Variants in ARHGAP8 observed in about 807,000 individuals in gnomAD.
ARHGAP8 encodes the protein Rho GTPase activating protein 8, also known as rho GTPase-activating protein 8.
Under a neutral mutation model 46.1 loss-of-function variants are expected in ARHGAP8, and 62 were observed. The ratio of observed to expected loss-of-function variants is 1.34; its 90% CI spans 1.10 to 1.66. ARHGAP8 has a LOEUF of 1.66. Among genes scored for constraint, ARHGAP8 ranks in the 40% most tolerant of loss-of-function variants. ARHGAP8 has a pLI of 0.00. For missense variants in ARHGAP8, 923 were observed against 568.4 expected, an observed-to-expected ratio of 1.62 and a Z score of -6.34; for synonymous variants, 375 against 243.1, an observed-to-expected ratio of 1.54 and a Z score of -5.05.
intron 7 of ARHGAP8, among the ~76,000 whole-genome samples, chr22:44,835,912 A>G (rs1931253242): frequency 1.3e-5 from 2 of 148,460 alleles, no homozygotes; most frequent in South Asian, 4.3e-4. Context: ...CTCCTGTACC[A>G]TGTGGCTGTC....
intron 7 of ARHGAP8, among the ~76,000 whole-genome samples, chr22:44,844,787 T>C (rs1306153963): frequency 6.6e-6 from 1 of 152,186 alleles, no homozygotes; most frequent in African/African-American, 2.4e-5. Flanking sequence ...TGAATCTCTG[T>C]CTCAAAATAG....
In ARHGAP8 at chr22:44,808,424, G is replaced by A. The variant is rs1161101688; in HGVS notation, c.285G>A (p.Lys95=). Reference sequence around the variant, plus strand: ...TGGGCTGGCTCCAGAGCGCATACAAGGAGTTCGATAGGAAGTACGTGCCCG... The same window carrying A: ...TGGGCTGGCTCCAGAGCGCATACAAAGAGTTCGATAGGAAGTACGTGCCCG... ...PSLGWLQSAY[K]EFDRKYKKNL... Residue 95 remains lysine, a synonymous_variant, in exon 4 of 12, where the codon AAG becomes AAA. Coordinates refer to ENST00000356099, the MANE Select transcript of ARHGAP8 (RefSeq NM_181335.3). 6.2e-6 allele frequency: 10 copies of A among 1,614,170 alleles called. No homozygotes were observed. The highest frequency in any genetic ancestry group is 4.0e-5 in the African/African-American group (3 of 75,062).
rs775147571 is a variant in ARHGAP8 at position 44,845,358 on chromosome 22, C to T, written c.670+16C>T. 6 of 1,613,864 alleles carry T rather than the reference C, an allele frequency of 3.7e-6. No homozygotes were observed. In the East Asian group the frequency reaches 8.9e-5, roughly 24 times the overall value. On this transcript the variant is annotated intron_variant, in intron 8 of 11. Transcript: ENST00000356099. ...AGAGAGAAAGGTGAGACGGGGCCGG[C>T]TCCAGCTGGATGACGTGAGGGCTGC...
At position 44,802,130 on chromosome 22, in the gene ARHGAP8, C is replaced by G. The variant is rs1296171325; in HGVS notation, c.133C>G (p.Pro45Ala). Residue 45 changes from proline (P) to alanine (A), a missense_variant, in exon 3 of 12, where the codon CCC becomes GCC. Coordinates refer to ENST00000356099, the MANE Select transcript of ARHGAP8 (RefSeq NM_181335.3). ...VVTFSCCRMP[P>A]SHELDHQRLL... ...CACGTTCAGCTGCTGCCGGATGCCA[C>G]CCTCCCACGAGCTGGACCACCAGCG... The G allele has an allele frequency of 2.7e-5, 43 of 1,613,808 alleles. No individual in the cohort carries two copies. Among genetic ancestry groups the G allele is most frequent in the Non-Finnish European group, 3.6e-5 (43 of 1,179,804 alleles).
At chr22:44,804,502 G>T (rs1164765584) in intron 3 of ARHGAP8, among the ~76,000 whole-genome samples, 1 of 152,200 alleles carries the variant, frequency 6.6e-6, no homozygotes, top group African/African-American at 2.4e-5. Flanking sequence ...CTGAGGCCAA[G>T]CCCTGGCCGA....
At chr22:44,798,392 C>T (rs557872648) in intron 2 of ARHGAP8, among the ~76,000 whole-genome samples, 4 of 152,132 alleles carry the variant, frequency 2.6e-5, no homozygotes, top group South Asian at 4.1e-4. Flanking sequence ...GGATTACAGG[C>T]GTGAGCCACT....
chr22:44,814,072 T>G (rs1032361288), intron 4 of ARHGAP8, among the ~76,000 whole-genome samples: 1 of 152,148 alleles, frequency 6.6e-6, no homozygotes, highest in Non-Finnish European at 1.5e-5. Flanking sequence ...ATCCCCACCC[T>G]GGTTGGCTGC....
chr22:44,833,377 G>A (rs116067085), intron 7 of ARHGAP8, among the ~76,000 whole-genome samples: 1 of 151,888 alleles, frequency 6.6e-6, no homozygotes, highest in African/African-American at 2.4e-5. Context: ...GTTTGTTCAT[G>A]TAAAGGTGTT....
chr22:44,776,378 G>C (rs1926419349), intron 1 of ARHGAP8, among the ~76,000 whole-genome samples: 1 of 152,024 alleles, frequency 6.6e-6, no homozygotes, highest in Admixed American at 6.5e-5. Flanking sequence ...CTTGAACCTG[G>C]GAGGCGGACA....
At chr22:44,845,377 G>C in intron 8 of ARHGAP8, 35 bp downstream of exon 8, 1 of 1,613,452 alleles carries the variant, frequency 6.2e-7, no homozygotes, top group Non-Finnish European at 8.5e-7. Context: ...GATGACGTGA[G>C]GGCTGCTGGG....
intron 3 of ARHGAP8, among the ~76,000 whole-genome samples, chr22:44,807,054 G>C (rs1444175260): frequency 6.6e-6 from 1 of 152,200 alleles, no homozygotes. Context: ...AGCCTCTGCA[G>C]GTGGGCACAG....
chr22:44,796,072 C>T (rs1218313826), intron 2 of ARHGAP8, among the ~76,000 whole-genome samples: 1 of 152,170 alleles, frequency 6.6e-6, no homozygotes, highest in Non-Finnish European at 1.5e-5. Flanking sequence ...CAGTCCTTGC[C>T]CTGGCGACCT....
At position 44,849,137 on chromosome 22, in the gene ARHGAP8, G is replaced by T. The variant is rs1003162605; in HGVS notation, c.877+77G>T. 4 of 1,595,816 alleles carry T rather than the reference G, an allele frequency of 2.5e-6. No homozygotes were observed. The African/African-American group carries it at 5.4e-5, about 21-fold the overall frequency. On this transcript the variant is annotated intron_variant, in intron 10 of 11. Transcript: ENST00000356099. The stretch of plus-strand genomic sequence containing the variant: ...CCCCCAGCTACTGGCCCAGGGTCAG[G>T]CTCTGGGGTGGCCGAGGTGACGTGT...
At chr22:44,819,159 C>T (rs1362587427) in intron 5 of ARHGAP8, among the ~76,000 whole-genome samples, 1 of 152,180 alleles carries the variant, frequency 6.6e-6, no homozygotes, top group African/African-American at 2.4e-5. Context: ...GCCTCGAACT[C>T]CTGGACTCAG....
rs891547349 is a variant in ARHGAP8, at chr22:44,845,847, G to A, written c.670+505G>A. On this transcript the variant is annotated intron_variant, in intron 8 of 11. Coordinates refer to ENST00000356099, the MANE Select transcript of ARHGAP8 (RefSeq NM_181335.3). Reference sequence around the variant, plus strand: ...GAACTGAGGTCCATGGAGAAGGTGCGTGGAGGCTGCTTTTACCTTAATGGG... The same window carrying A: ...GAACTGAGGTCCATGGAGAAGGTGCATGGAGGCTGCTTTTACCTTAATGGG... Among the ~76,000 whole-genome samples the A allele has an allele frequency of 7.2e-5, 11 of 152,302 alleles. No homozygotes were observed. The East Asian group carries it at 1.4e-3, about 19-fold the overall frequency.
intron 10 of ARHGAP8, among the ~76,000 whole-genome samples, chr22:44,854,239 T>C (rs1360552480): frequency 6.9e-6 from 1 of 144,972 alleles, no homozygotes; most frequent in Non-Finnish European, 1.5e-5. Flanking sequence ...CCTTGTATCT[T>C]TTTTTTTTTT....
At chr22:44,774,518 AT>A (rs132473) in intron 1 of ARHGAP8, among the ~76,000 whole-genome samples, 391 of 119,488 alleles carry the variant, frequency 3.3e-3, no homozygotes, top group Middle Eastern at 0.011. Flanking sequence ...TCTTTGGGAG[AT>A]TTTTTTTTTT....
chr22:44,798,836 G>A (rs1928283356), intron 2 of ARHGAP8, among the ~76,000 whole-genome samples: 2 of 152,058 alleles, frequency 1.3e-5, no homozygotes, highest in African/African-American at 4.8e-5. Context: ...TGCAATCTCT[G>A]CTCACTGCAA....
chr22:44,813,630 TACAC>T (rs1162388747), intron 4 of ARHGAP8, among the ~76,000 whole-genome samples: 4 of 151,260 alleles, frequency 2.6e-5, no homozygotes, highest in African/African-American at 4.9e-5. Flanking sequence ...TACTTATATC[TACAC>T]ACACCTACAC....
Sources: gnomAD v4.1 joint callset for allele counts (sites outside exome capture counted in the v4.1 genomes callset) on GRCh38, gnomAD v4.1.1 for gene constraint, MANE v1.5 for transcripts, NCBI Gene and HGNC (gene_info 2026-07-23, HGNC 2026-07-21) for gene names.